Variants in NR4A3 observed in about 807,000 individuals in gnomAD.
The protein encoded by NR4A3 is nuclear receptor subfamily 4 group A member 3, also known as chondrosarcoma, extraskeletal myxoid, fused to EWS.
In NR4A3, 13 loss-of-function variants were observed where a neutral mutation model predicts 55.6. The ratio of observed to expected loss-of-function variants is 0.23; its 90% confidence interval spans 0.15 to 0.37. The LOEUF (loss-of-function observed/expected upper bound fraction) is 0.37, where lower values mean the gene tolerates loss of function less well. Ranked by LOEUF, NR4A3 falls within the 10% of genes least tolerant of loss-of-function variation. NR4A3 has a pLI of 1.00. For synonymous variants in NR4A3, 342 were observed against 357.9 expected, an observed-to-expected ratio of 0.96 and a Z score of 0.50; for missense variants, 646 against 822.8, an observed-to-expected ratio of 0.79 and a Z score of 2.63.
intron 7 of NR4A3, among the ~76,000 whole-genome samples, chr9:99,849,744 C>T (rs1221167076): frequency 6.6e-6 from 1 of 152,224 alleles, no homozygotes; most frequent in African/African-American, 2.4e-5. Flanking sequence ...AGTGTTGAGT[C>T]TAGTTAATCA....
intron 1 of NR4A3, among the ~76,000 whole-genome samples, chr9:99,823,607 C>A (rs987994989): frequency 1.3e-5 from 2 of 152,112 alleles, no homozygotes; most frequent in South Asian, 4.1e-4. Context: ...AAAGAAAAAG[C>A]TGCCTAACGT....
At chr9:99,848,797 A>G (rs917676959) in intron 7 of NR4A3, among the ~76,000 whole-genome samples, 3 of 152,168 alleles carry the variant, frequency 2.0e-5, no homozygotes, top group Non-Finnish European at 4.4e-5. Flanking sequence ...AAAGAATATC[A>G]TCTCCCTGTG....
chr9:99,833,582 A>G (rs1044291473), intron 5 of NR4A3, 128 bp downstream of exon 5: 2 of 1,605,410 alleles, frequency 1.2e-6, no homozygotes, highest in African/African-American at 1.3e-5. Flanking sequence ...CTTTTTCTAT[A>G]TTTCTCGCTT....
intron 5 of NR4A3, among the ~76,000 whole-genome samples, chr9:99,842,721 C>A (rs1316803123): frequency 1.3e-5 from 2 of 151,464 alleles, no homozygotes; most frequent in Non-Finnish European, 2.9e-5. Context: ...CAGAGCAAGA[C>A]ACCATCTCAA....
At chr9:99,841,073 A>G (rs748715247) in intron 5 of NR4A3, among the ~76,000 whole-genome samples, 4 of 152,022 alleles carry the variant, frequency 2.6e-5, no homozygotes, top group African/African-American at 7.3e-5. Flanking sequence ...TCTACTAAAA[A>G]TACAAAAATT....
chr9:99,843,134 C>T (rs1827683600), intron 5 of NR4A3, among the ~76,000 whole-genome samples: 1 of 152,196 alleles, frequency 6.6e-6, no homozygotes, highest in Non-Finnish European at 1.5e-5. Flanking sequence ...ACCAGAATTT[C>T]TGAAAGCTGG....
chr9:99,832,902 G>A, intron 4 of NR4A3, 84 bp downstream of exon 4: 1 of 1,233,142 alleles, frequency 8.1e-7, no homozygotes, highest in Non-Finnish European at 1.1e-6. Flanking sequence ...ACATTGGGAT[G>A]GTGAATTTTT....
intron 7 of NR4A3, among the ~76,000 whole-genome samples, chr9:99,862,808 G>A (rs1828031473): frequency 6.6e-6 from 1 of 152,064 alleles, no homozygotes; most frequent in African/African-American, 2.4e-5. Flanking sequence ...TTTATATATT[G>A]TTTTGTAAAA....
rs918772167 is a variant in NR4A3, at chr9:99,865,367, C to T, written c.*1500C>T. 5.7e-6 allele frequency: 1 copy of T among 176,130 alleles called. No individual in the cohort carries two copies. Among genetic ancestry groups the T allele is most frequent in the Non-Finnish European group, 1.2e-5 (1 of 82,016 alleles). The allele number at this position is 176,130 out of a possible 1,614,324, so 10.9% of individuals were successfully genotyped here. On this transcript the variant is annotated 3_prime_UTR_variant, in exon 8 of 8. Coordinates refer to ENST00000395097, the MANE Select transcript of NR4A3 (RefSeq NM_006981.4). The surrounding 1 kb of genome is among the most constrained non-coding windows in gnomAD (Gnocchi z 4.3). ...ATTTATAATGTGTCTTTTTATTAAC[C>T]ATTTGTACAATAAATGTCACTTCCC...
chr9:99,835,034 C>A (rs1425038785), intron 5 of NR4A3: 2 of 483,616 alleles, frequency 4.1e-6, no homozygotes, highest in African/African-American at 2.1e-5. Context: ...TGATTACACC[C>A]TTTGATGCCT....
At chr9:99,840,706 G>T (rs937634985) in intron 5 of NR4A3, among the ~76,000 whole-genome samples, 1 of 152,136 alleles carries the variant, frequency 6.6e-6, no homozygotes, top group Admixed American at 6.5e-5. Flanking sequence ...GCAAGTCAGT[G>T]CAGAGCCTGG....
chr9:99,837,614 A>G (rs531559413), intron 5 of NR4A3, among the ~76,000 whole-genome samples: 2 of 152,266 alleles, frequency 1.3e-5, no homozygotes, highest in South Asian at 4.1e-4. Context: ...TTACAAGTGG[A>G]TAAAATGAAA....
chr9:99,859,128 A>G (rs1037868846), intron 7 of NR4A3, among the ~76,000 whole-genome samples: 2 of 152,244 alleles, frequency 1.3e-5, no homozygotes, highest in African/African-American at 4.8e-5. Flanking sequence ...TGAAAATTAT[A>G]TAGATCAAAA....
chr9:99,841,381 G>T (rs1429634925), intron 5 of NR4A3, among the ~76,000 whole-genome samples: 1 of 152,156 alleles, frequency 6.6e-6, no homozygotes, highest in Non-Finnish European at 1.5e-5. Flanking sequence ...GTGTAGGATT[G>T]TTGGGAACAG....
At position 99,825,812 on chromosome 9, in the gene NR4A3, A is replaced by C; in HGVS notation, c.-23A>C. On this transcript the variant is annotated 5_prime_UTR_variant, in exon 2 of 8. Coordinates refer to ENST00000395097, the MANE Select transcript of NR4A3 (RefSeq NM_006981.4). This position sits in a 1 kb window ranked among gnomAD's most constrained non-coding sequence, Gnocchi z 5.0. ...GGAGAGACCCCCAGCCCCACCATTCAGCGCGCAAGATACCCTCCAGGTAGG... is the reference window on the plus strand; with the variant it reads ...GGAGAGACCCCCAGCCCCACCATTCCGCGCGCAAGATACCCTCCAGGTAGG... The C allele has an allele frequency of 6.0e-5, 10 of 166,972 alleles. No individual in the cohort carries two copies. Among genetic ancestry groups the C allele is most frequent in the East Asian group, 2.4e-4 (2 of 8,204 alleles). 10.3% of individuals were successfully genotyped at this position (166,972 alleles called of 1,614,324 possible).
At chr9:99,833,156 C>A in intron 4 of NR4A3, 126 bp from the exon 5 acceptor site, 1 of 1,234,084 alleles carries the variant, frequency 8.1e-7, no homozygotes, top group Non-Finnish European at 1.1e-6. Context: ...AACTTATTAC[C>A]ACTTTTAAAT....
chr9:99,827,516 T>A (rs1042000542), intron 2 of NR4A3, among the ~76,000 whole-genome samples: 2 of 152,132 alleles, frequency 1.3e-5, no homozygotes, highest in African/African-American at 4.8e-5. Flanking sequence ...TTGGCACTCA[T>A]AAAATGTTAG....
chr9:99,826,709 C>T, intron 2 of NR4A3: 1 of 1,499,840 alleles, frequency 6.7e-7, no homozygotes, highest in Non-Finnish European at 9.3e-7. Context: ...GGCCTCTCCT[C>T]ATCACTGCTT....
intron 7 of NR4A3, among the ~76,000 whole-genome samples, chr9:99,849,404 C>T (rs139795259): frequency 9.5e-4 from 144 of 151,648 alleles, no homozygotes; most frequent in African/African-American, 3.1e-3. Flanking sequence ...GAGCCATTAA[C>T]GAAACAAAAA....
Sources: gnomAD v4.1 joint callset for allele counts (sites outside exome capture counted in the v4.1 genomes callset) on GRCh38, gnomAD v4.1.1 for gene constraint, Gnocchi (gnomAD v3.1) non-coding constraint, MANE v1.5 for transcripts, NCBI Gene and HGNC (gene_info 2026-07-23, HGNC 2026-07-21) for gene names.